DROSHA: variants seen among roughly 807,000 people sequenced by gnomAD.
DROSHA encodes the protein drosha ribonuclease III.
Under a neutral mutation model 181.9 loss-of-function variants are expected in DROSHA, and 56 were observed. The observed-to-expected ratio is 0.31, with a 90% confidence interval of 0.25 to 0.38. The LOEUF (loss-of-function observed/expected upper bound fraction) is 0.38, where lower values mean the gene tolerates loss of function less well. Ranked by LOEUF, DROSHA falls within the 10% of genes least tolerant of loss-of-function variation. DROSHA has a pLI of 1.00. For synonymous variants in DROSHA, 524 were observed against 591.2 expected (o/e 0.89, Z 1.65); for missense variants, 1,218 against 1,743.5 (o/e 0.70, Z 5.37).
intron 23 of DROSHA, among the ~76,000 whole-genome samples, chr5:31,446,554 T>C (rs1185510054): frequency 2.1e-5 from 3 of 145,918 alleles, no homozygotes; most frequent in East Asian, 4.1e-4. Context: ...CTGAAAACTA[T>C]AAAACATTAT....
At chr5:31,441,915 C>T (rs1745642549) in intron 23 of DROSHA, among the ~76,000 whole-genome samples, 1 of 152,130 alleles carries the variant, frequency 6.6e-6, no homozygotes, top group Non-Finnish European at 1.5e-5. Flanking sequence ...GACAAAGGAG[C>T]TGGGGACAAA....
At position 31,451,586 on chromosome 5, in the gene DROSHA, T is replaced by G; in HGVS notation, c.2629A>C (p.Met877Leu). 6.2e-7 allele frequency: 1 copy of G among 1,613,104 alleles called. No homozygotes were observed. Among genetic ancestry groups the G allele is most frequent in the Non-Finnish European group, 8.5e-7 (1 of 1,179,538 alleles). ...TATCCTATCAACTTGTCCAAATGCA[T>G]TAGGCATTGGTGGTAGCGGATATGA... ...THHIRYHQCLMHLDKLIGYTF... is the reference protein window; with the variant it reads ...THHIRYHQCLLHLDKLIGYTF... The change falls in exon 21 of 36, where the codon ATG becomes CTG. Residue 877 changes from methionine to leucine, a missense_variant. Physicochemically the swap from Met to Leu is conservative, Grantham distance 15 (BLOSUM62 2). Transcript: ENST00000344624.
intron 20 of DROSHA, among the ~76,000 whole-genome samples, chr5:31,463,615 A>G (rs1748664634): frequency 6.6e-6 from 1 of 152,228 alleles, no homozygotes; most frequent in South Asian, 2.1e-4. Flanking sequence ...AAAAAACAGA[A>G]TATGTTGGTT....
intron 20 of DROSHA, among the ~76,000 whole-genome samples, chr5:31,459,852 C>G (rs899469513): frequency 6.6e-6 from 1 of 152,226 alleles, no homozygotes; most frequent in Non-Finnish European, 1.5e-5. Flanking sequence ...CACAACTCAG[C>G]TTTCCTCAAA....
Position 31,411,021 on chromosome 5 carries a change from C to G in DROSHA, c.3526-134G>C. On this transcript the variant is annotated intron_variant, in intron 30 of 35. Coordinates refer to ENST00000344624, the MANE Select transcript of DROSHA (RefSeq NM_001382508.1). This position sits in a 1 kb window ranked among gnomAD's most constrained non-coding sequence, Gnocchi z 4.2. ...AAATAAGTGAGGTCTATGGCCTCAA[C>G]CATCACCCAGATGACAGTGATATGC... is the stretch of plus-strand genomic sequence containing the variant. The G allele has an allele frequency of 3.1e-5, 38 of 1,243,308 alleles. No individual in the cohort carries two copies. Among genetic ancestry groups the G allele is most frequent in the Non-Finnish European group, 4.2e-5 (38 of 894,230 alleles). The allele number at this position is 1,243,308 out of a possible 1,614,324, so 77.0% of individuals were successfully genotyped here.
At chr5:31,439,207 T>C (rs573834311) in intron 23 of DROSHA, among the ~76,000 whole-genome samples, 4 of 152,208 alleles carry the variant, frequency 2.6e-5, no homozygotes, top group Non-Finnish European at 5.9e-5. Context: ...TCTAAAAATA[T>C]TAAGTGGAAA....
intron 11 of DROSHA, 63 bp from the exon 12 acceptor site, chr5:31,495,435 T>G: frequency 6.9e-7 from 1 of 1,442,430 alleles, no homozygotes; most frequent in Non-Finnish European, 9.6e-7. Flanking sequence ...CTTAAAAATA[T>G]ATTGTATTTC....
At chr5:31,508,494 C>G in intron 10 of DROSHA, 127 bp downstream of exon 10, 1 of 1,384,454 alleles carries the variant, frequency 7.2e-7, no homozygotes, top group South Asian at 1.4e-5. Flanking sequence ...AGAAATAGCT[C>G]TGAAGGACAA....
chr5:31,466,057 A>T, intron 19 of DROSHA, 125 bp downstream of exon 19: 1 of 952,124 alleles, frequency 1.1e-6, no homozygotes, highest in South Asian at 1.8e-5. Flanking sequence ...GAGGAGGGTA[A>T]AGTATGATTT....
In DROSHA at chr5:31,406,942, A is replaced by G. The variant is rs970547251; in HGVS notation, c.3858T>C (p.Thr1286=). The G allele has an allele frequency of 6.2e-7, 1 of 1,613,208 alleles. No homozygotes were observed. The highest frequency in any genetic ancestry group is 8.5e-7 in the Non-Finnish European group (1 of 1,179,522). ...CATGGGATGGGCCCACTGTCTGCAG[A>G]GTCCTGAAAGGGAAAGGAAAGAACA... ...GKEPDIPLYK[T]LQTVGPSHAR... The change falls in exon 34 of 36, where the codon ACT becomes ACC. Residue 1286 remains threonine (T), a synonymous_variant. Transcript: ENST00000344624.
chr5:31,472,858 A>G (rs1580213544), intron 16 of DROSHA, among the ~76,000 whole-genome samples: 1 of 152,244 alleles, frequency 6.6e-6, no homozygotes, highest in South Asian at 2.1e-4. Context: ...AGCATATAGC[A>G]CCAAGTACAG....
At chr5:31,523,703 G>T (rs368268078) in intron 5 of DROSHA, among the ~76,000 whole-genome samples, 1 of 151,948 alleles carries the variant, frequency 6.6e-6, no homozygotes, top group African/African-American at 2.4e-5. Flanking sequence ...AGCCAGGAGC[G>T]GTGGCTCACA....
At chr5:31,466,545 G>A in intron 18 of DROSHA, 1 of 274,698 alleles carries the variant, frequency 3.6e-6, no homozygotes, top group South Asian at 6.3e-5. Context: ...ATGAATCTCT[G>A]GAAAGAATTC....
chr5:31,444,404 A>G (rs1043122221), intron 23 of DROSHA, among the ~76,000 whole-genome samples: 1 of 152,260 alleles, frequency 6.6e-6, no homozygotes, highest in Non-Finnish European at 1.5e-5. Context: ...TCTGTCAATA[A>G]TATCATTTTC....
chr5:31,511,430 C>T (rs1170131696), intron 8 of DROSHA, among the ~76,000 whole-genome samples: 4 of 152,128 alleles, frequency 2.6e-5, no homozygotes, highest in African/African-American at 7.2e-5. Flanking sequence ...ACAGGCCAGG[C>T]GTGCTGGCTC....
intron 29 of DROSHA, among the ~76,000 whole-genome samples, chr5:31,422,454 A>G (rs1417144174): frequency 6.6e-6 from 1 of 152,198 alleles, no homozygotes; most frequent in African/African-American, 2.4e-5. Flanking sequence ...CTTTGATGCT[A>G]CTATGGCAGA....
At chr5:31,485,633 G>GT (rs1554039004) in intron 14 of DROSHA, among the ~76,000 whole-genome samples, 2 of 7,926 alleles carry the variant, frequency 2.5e-4, no homozygotes, top group African/African-American at 6.1e-4. Flanking sequence ...CCAAAAGGAA[G>GT]TTAAAAAAAA....
At chr5:31,508,070 A>G (rs1426002467) in intron 10 of DROSHA, among the ~76,000 whole-genome samples, 2 of 152,166 alleles carry the variant, frequency 1.3e-5, no homozygotes, top group Non-Finnish European at 2.9e-5. Flanking sequence ...TAATTTTTGT[A>G]TGTATTATAT....
Position 31,435,766 on chromosome 5 carries a change from T to C in DROSHA, c.3041A>G (p.Lys1014Arg). The C allele has an allele frequency of 6.2e-7, 1 of 1,613,652 alleles. No individual in the cohort carries two copies. The highest frequency in any genetic ancestry group is 8.5e-7 in the Non-Finnish European group (1 of 1,179,738). Residue 1014 changes from lysine to arginine, a missense_variant and splice_region_variant, in exon 25 of 36, where the codon AAG becomes AGG. This residue lies in a region of DROSHA where 460 missense variants were observed against 774.2 expected (regional missense o/e 0.59). Coordinates refer to ENST00000344624, the MANE Select transcript of DROSHA (RefSeq NM_001382508.1). ...AAATGCTGCAGATGTCTTCTATACC[T>C]TTGCTAGCATGGCAAGGTGCTGATT... Reference protein sequence around the residue: ...VQNQHLAMLAKKLELDRFMLY... With the variant: ...VQNQHLAMLARKLELDRFMLY...
Sources: allele counts gnomAD v4.1 joint callset (sites outside exome capture counted in the v4.1 genomes callset), GRCh38; gene constraint gnomAD v4.1.1; regional missense constraint gnomAD v4.1.1; non-coding constraint Gnocchi (gnomAD v3.1); transcripts MANE v1.5; gene names NCBI Gene and HGNC (gene_info 2026-07-23, HGNC 2026-07-21).